ZNF676: variants seen among roughly 807,000 people sequenced by gnomAD.
ZNF676 encodes the protein zinc finger protein 676.
A neutral mutation model predicts 6.0 loss-of-function variants in ZNF676; 4 were observed. The ratio of observed to expected loss-of-function variants is 0.67; its 90% CI spans 0.33 to 1.53. The LOEUF (loss-of-function observed/expected upper bound fraction) is 1.53, where lower values mean the gene tolerates loss of function less well. Ranked by LOEUF, ZNF676 falls within the 40% of genes most tolerant of loss-of-function variation. The pLI, the probability that ZNF676 is intolerant of heterozygous loss-of-function variation, is 0.06. For missense variants in ZNF676, 644 were observed against 679.7 expected (o/e 0.95, Z 0.58); for synonymous variants, 198 against 223.1 (o/e 0.89, Z 1.00).
chr19:22,227,445 A>G, the ZNF676 span, among the ~76,000 whole-genome samples: 2 of 152,222 alleles, frequency 1.3e-5, no homozygotes, highest in East Asian at 1.9e-4. Flanking sequence ...ATCACAATTA[A>G]CAGAACTAGA....
At chr19:22,200,597 T>C (rs2024016269), upstream of ZNF676, among the ~76,000 whole-genome samples, 1 of 147,970 alleles carries the variant, frequency 6.8e-6, no homozygotes, top group South Asian at 2.2e-4. Context: ...CGGCTCACTG[T>C]AGTCTCCACC....
Position 22,179,837 on chromosome 19 carries a change from G to C in ZNF676, c.*113C>G. On this transcript the variant is annotated 3_prime_UTR_variant, in exon 3 of 3. Coordinates refer to ENST00000397121, the MANE Select transcript of ZNF676 (RefSeq NM_001001411.3). ...TTATGTGTAATAAAGATTGAGGACT[G>C]TTTAAAAGCTTTGCCACATTCTTCA... 2 of 1,225,362 alleles carry C rather than the reference G, an allele frequency of 1.6e-6. No individual in the cohort carries two copies. Among genetic ancestry groups the C allele is most frequent in the Admixed American group, 1.9e-5 (1 of 52,640 alleles). 75.9% of individuals were successfully genotyped at this position (1,225,362 alleles called of 1,614,324 possible). A position where few individuals can be genotyped will look rare whatever the true frequency, so the allele number is the denominator to read the frequency against.
the ZNF676 span, among the ~76,000 whole-genome samples, chr19:22,257,841 C>T: frequency 2.6e-5 from 4 of 152,094 alleles, no homozygotes; most frequent in Non-Finnish European, 5.9e-5. Flanking sequence ...TGTCACAATG[C>T]CCTCAGGTGC....
At chr19:22,195,957 TA>T (rs1446848541) in intron 1 of ZNF676, among the ~76,000 whole-genome samples, 1 of 152,186 alleles carries the variant, frequency 6.6e-6, no homozygotes, top group African/African-American at 2.4e-5. Flanking sequence ...TGGACCTATC[TA>T]AAGCACCACA....
intron 2 of ZNF676, among the ~76,000 whole-genome samples, chr19:22,185,489 C>CAAAAAA (rs35260893): frequency 7.1e-6 from 1 of 141,672 alleles, no homozygotes; most frequent in Non-Finnish European, 1.5e-5. Context: ...TCATCACCAG[C>CAAAAAA]AAAAAAAAAA....
At chr19:22,198,678 A>G (rs2023995950), upstream of ZNF676, among the ~76,000 whole-genome samples, 1 of 152,208 alleles carries the variant, frequency 6.6e-6, no homozygotes, top group African/African-American at 2.4e-5. Context: ...AAGAACCAAG[A>G]CAGAAAAACT....
chr19:22,249,008 G>A, the ZNF676 span, among the ~76,000 whole-genome samples: 1 of 152,194 alleles, frequency 6.6e-6, no homozygotes, highest in Non-Finnish European at 1.5e-5. Context: ...GGGATTACAG[G>A]CGTGAGCCAC....
chr19:22,253,404 G>GTGTATATA, the ZNF676 span, among the ~76,000 whole-genome samples: 28 of 97,014 alleles, frequency 2.9e-4, no homozygotes, highest in African/African-American at 9.9e-4. Flanking sequence ...ATGATAATGT[G>GTGTATATA]TATATATATA....
chr19:22,213,268 C>T (rs563783818), intron 1 of ZNF676, among the ~76,000 whole-genome samples: 1 of 152,188 alleles, frequency 6.6e-6, no homozygotes, highest in African/African-American at 2.4e-5. Context: ...CTTTGGAGTG[C>T]TATTTTTTTC....
At chr19:22,182,593 A>AAAAAAAAAAAAAAAAGC (rs1356303631) in intron 2 of ZNF676, among the ~76,000 whole-genome samples, 2 of 90,930 alleles carry the variant, frequency 2.2e-5, no homozygotes, top group Non-Finnish European at 4.2e-5. Flanking sequence ...TCTAAAAAAA[A>AAAAAAAAAAAAAAAAGC]AAAAAAAAAG....
At chr19:22,203,498 T>C (rs1460953778) in intron 1 of ZNF676, 2 of 152,140 alleles carry the variant, frequency 1.3e-5, no homozygotes, top group African/African-American at 4.8e-5. Context: ...CAGAAAATAT[T>C]TCCCTAAGAA....
the ZNF676 span, among the ~76,000 whole-genome samples, chr19:22,247,187 C>T: frequency 6.6e-6 from 1 of 152,048 alleles, no homozygotes; most frequent in Non-Finnish European, 1.5e-5. Context: ...GCAGTACAGT[C>T]TCTCCTAAGA....
upstream of ZNF676, among the ~76,000 whole-genome samples, chr19:22,215,982 G>A (rs2144841277): frequency 6.6e-6 from 1 of 152,296 alleles, no homozygotes; most frequent in Non-Finnish European, 1.5e-5. Flanking sequence ...CCTGAGCTGA[G>A]CCAGGCCTAC....
At chr19:22,253,422 A>ATG in the ZNF676 span, among the ~76,000 whole-genome samples, 52,171 of 85,028 alleles carry the variant, frequency 0.61, 12,951 homozygotes, top group Admixed American at 0.69. Context: ...ATATATGATA[A>ATG]TGTATATATA....
chr19:22,246,189 AT>A, the ZNF676 span, among the ~76,000 whole-genome samples: 10 of 152,116 alleles, frequency 6.6e-5, no homozygotes, highest in African/African-American at 2.2e-4. Context: ...AAAAAAACAT[AT>A]GTCATAATAC....
the ZNF676 span, among the ~76,000 whole-genome samples, chr19:22,247,157 G>T: frequency 6.6e-6 from 1 of 152,168 alleles, no homozygotes; most frequent in Non-Finnish European, 1.5e-5. Flanking sequence ...ATGGGATTGG[G>T]TTAGAGGCCC....
chr19:22,197,307 A>G (rs1387152550), upstream of ZNF676, among the ~76,000 whole-genome samples: 2 of 147,884 alleles, frequency 1.4e-5, no homozygotes, highest in Admixed American at 1.4e-4. Context: ...AACAAGAGTG[A>G]AACTCCATCT....
chr19:22,241,545 C>T, the ZNF676 span, among the ~76,000 whole-genome samples: 1 of 151,854 alleles, frequency 6.6e-6, no homozygotes, highest in African/African-American at 2.4e-5. Flanking sequence ...GGAAGGATGA[C>T]CATCTTTACT....
At chr19:22,194,855 G>A (rs755360679) in intron 1 of ZNF676, among the ~76,000 whole-genome samples, 12 of 152,078 alleles carry the variant, frequency 7.9e-5, no homozygotes, top group Non-Finnish European at 1.5e-4. Context: ...AGGAACACCA[G>A]GAAGTGCACG....
Sources: gnomAD v4.1 joint callset for allele counts (sites outside exome capture counted in the v4.1 genomes callset) on GRCh38, gnomAD v4.1.1 for gene constraint, MANE v1.5 for transcripts, NCBI Gene and HGNC (gene_info 2026-07-23, HGNC 2026-07-21) for gene names.